SGSM1: variants seen among roughly 807,000 people sequenced by gnomAD.
SGSM1 encodes the protein RUN and TBC1 domain containing 2.
SGSM1 carries 73 observed loss-of-function variants against 133.8 expected under a neutral mutation model. The observed-to-expected ratio is 0.55, with a 90% CI of 0.45 to 0.66. The LOEUF (loss-of-function observed/expected upper bound fraction) is 0.66. SGSM1 is among the 30% of genes least tolerant of loss of function. The pLI is 0.00. For missense variants in SGSM1, 1,213 were observed against 1,448.1 expected (o/e 0.84, Z 2.64); for synonymous variants, 563 against 573.0 (o/e 0.98, Z 0.25).
At chr22:24,847,242 CAAAA>C (rs1403397963) in intron 3 of SGSM1, among the ~76,000 whole-genome samples, 2 of 152,180 alleles carry the variant, frequency 1.3e-5, no homozygotes, top group African/African-American at 4.8e-5. Context: ...CAAAAACAAA[CAAAA>C]AACCATGGTG....
chr22:24,899,432 A>T (rs533369925), intron 19 of SGSM1, among the ~76,000 whole-genome samples: 1 of 151,866 alleles, frequency 6.6e-6, no homozygotes, highest in Admixed American at 6.6e-5. Flanking sequence ...CTTTTGTGTC[A>T]GTCATGTTTT....
intron 14 of SGSM1, 126 bp from the exon 15 acceptor site, chr22:24,883,927 C>G: frequency 1.7e-6 from 2 of 1,151,440 alleles, no homozygotes; most frequent in Non-Finnish European, 2.4e-6. Context: ...AATAATAGAG[C>G]AAGACTCTGT....
chr22:24,822,822 A>G (rs2147796977), intron 2 of SGSM1, among the ~76,000 whole-genome samples: 1 of 152,320 alleles, frequency 6.6e-6, no homozygotes, highest in African/African-American at 2.4e-5. Context: ...CTTTGATTTA[A>G]GTCCCAGCCT....
At chr22:24,914,970 T>C (rs1332660180) in intron 22 of SGSM1, among the ~76,000 whole-genome samples, 1 of 152,282 alleles carries the variant, frequency 6.6e-6, no homozygotes, top group South Asian at 2.1e-4. Context: ...TTCTCACGCT[T>C]GTAATCCCAG....
chr22:24,868,904 T>C (rs1931615813), intron 12 of SGSM1, 49 bp downstream of exon 12: 4 of 1,594,724 alleles, frequency 2.5e-6, no homozygotes, highest in Non-Finnish European at 3.4e-6. Context: ...TAACTGATCC[T>C]GAAAATGACT....
chr22:24,862,219 G>A (rs1405228838), intron 9 of SGSM1, among the ~76,000 whole-genome samples: 1 of 151,976 alleles, frequency 6.6e-6, no homozygotes, highest in East Asian at 1.9e-4. Context: ...CAAAGTGCTG[G>A]GATTACAGGC....
intron 24 of SGSM1, among the ~76,000 whole-genome samples, chr22:24,923,623 T>C (rs957509124): frequency 6.6e-6 from 1 of 151,740 alleles, no homozygotes; most frequent in African/African-American, 2.4e-5. Context: ...TTTTCATTTT[T>C]ATTTTTATTT....
At chr22:24,911,350 G>A (rs1168929201) in intron 21 of SGSM1, among the ~76,000 whole-genome samples, 1 of 143,240 alleles carries the variant, frequency 7.0e-6, no homozygotes, top group Non-Finnish European at 1.5e-5. Context: ...GGAGTGCAAT[G>A]GTGCCATCTC....
At chr22:24,902,117 A>G (rs1382032702) in intron 20 of SGSM1, among the ~76,000 whole-genome samples, 160 bp downstream of exon 20, 3 of 152,174 alleles carry the variant, frequency 2.0e-5, no homozygotes, top group African/African-American at 4.8e-5. Context: ...CAACAATAAT[A>G]TAGAACATTT....
intron 5 of SGSM1, among the ~76,000 whole-genome samples, chr22:24,851,149 T>C (rs1281201801): frequency 6.6e-6 from 1 of 152,050 alleles, no homozygotes; most frequent in Admixed American, 6.6e-5. Context: ...GTGAGCCTTT[T>C]TAACGTTTTC....
rs1263966982 is a variant in SGSM1 at position 24,868,856 on chromosome 22, G to C, written c.1291+1G>C. The C allele has an allele frequency of 1.2e-6, 2 of 1,613,638 alleles. No individual in the cohort carries two copies. Among genetic ancestry groups the C allele is most frequent in the Non-Finnish European group, 1.7e-6 (2 of 1,179,828 alleles). On this transcript the variant is annotated splice_donor_variant, in intron 12 of 24. Transcript: ENST00000400358. LOFTEE classifies it high-confidence loss of function. ...TACCCTGGCATGCAGTCGGAATTCG[G>C]TGAGCTGCCCTGTCCCGGGCCCCGG...
In SGSM1 at chr22:24,874,569, G is replaced by C. The variant is rs778249450; in HGVS notation, c.1292-2008G>C. 73 of 1,600,952 alleles carry C rather than the reference G, an allele frequency of 4.6e-5. No individual in the cohort carries two copies. The highest frequency in any genetic ancestry group is 6.0e-5 in the Non-Finnish European group (71 of 1,174,544). On this transcript the variant is annotated intron_variant, in intron 12 of 24. Coordinates refer to ENST00000400358, the MANE Select transcript of SGSM1 (RefSeq NM_001098497.3). Reference sequence around the variant, plus strand: ...CTCTCCCCACGCCAAGCCCGAAGGAGCAGCCCCCCAGTAATGTCTGGGATC... The same window carrying C: ...CTCTCCCCACGCCAAGCCCGAAGGACCAGCCCCCCAGTAATGTCTGGGATC...
chr22:24,884,031 CT>C, intron 14 of SGSM1, 21 bp from the exon 15 acceptor site: 2 of 1,582,178 alleles, frequency 1.3e-6, no homozygotes, highest in Non-Finnish European at 1.7e-6. Context: ...GATGATGACA[CT>C]TTCCCTCCCT....
At chr22:24,811,285 A>G (rs529665422) in intron 2 of SGSM1, among the ~76,000 whole-genome samples, 306 of 152,204 alleles carry the variant, frequency 2.0e-3, no homozygotes, top group African/African-American at 6.9e-3. Context: ...AAGGCAGGAA[A>G]ATCTGCTCCC....
intron 2 of SGSM1, among the ~76,000 whole-genome samples, chr22:24,831,282 G>A (rs1479704122): frequency 2.6e-5 from 4 of 151,958 alleles, no homozygotes; most frequent in African/African-American, 4.8e-5. Flanking sequence ...GGGCCATGAT[G>A]CAGCCTCAGG....
intron 21 of SGSM1, among the ~76,000 whole-genome samples, chr22:24,907,538 T>C (rs937697736): frequency 6.6e-6 from 1 of 151,484 alleles, no homozygotes; most frequent in African/African-American, 2.4e-5. Flanking sequence ...TGTTGTTTTT[T>C]TTGGTTTTTT....
rs1396690470 is a variant in SGSM1 at position 24,824,235 on chromosome 22, G to A, written c.63+17751G>A. Among the ~76,000 whole-genome samples, 5 of 152,180 alleles carry A rather than the reference G, an allele frequency of 3.3e-5. No homozygotes were observed. In the East Asian group the frequency reaches 7.7e-4, roughly 23 times the overall value. On this transcript the variant is annotated intron_variant, in intron 2 of 24. Transcript: ENST00000400358. ...CTAGGAATGGGTGAGGATATCAAGT[G>A]GAGGGGACTGCATGGGCAAGGACCA...
At chr22:24,817,227 G>T (rs1200109956) in intron 2 of SGSM1, among the ~76,000 whole-genome samples, 1 of 152,118 alleles carries the variant, frequency 6.6e-6, no homozygotes, top group African/African-American at 2.4e-5. Flanking sequence ...TGCTGCCTGG[G>T]GATGTACTAT....
At chr22:24,812,771 C>T (rs1927824389) in intron 2 of SGSM1, among the ~76,000 whole-genome samples, 1 of 152,098 alleles carries the variant, frequency 6.6e-6, no homozygotes, top group Non-Finnish European at 1.5e-5. Context: ...TTTCTCCCTC[C>T]CTCTGTTATT....
Sources: gnomAD v4.1 joint callset for allele counts (sites outside exome capture counted in the v4.1 genomes callset) on GRCh38, gnomAD v4.1.1 for gene constraint, MANE v1.5 for transcripts, NCBI Gene and HGNC (gene_info 2026-07-23, HGNC 2026-07-21) for gene names.